The following CNTNAP4 variants were observed in gnomAD, a reference collection of about 807,000 sequenced individuals.
The protein encoded by CNTNAP4 is contactin-associated protein-like 4.
Under a neutral mutation model 148.4 loss-of-function variants are expected in CNTNAP4, and 98 were observed. The observed-to-expected ratio is 0.66, with a 90% confidence interval of 0.56 to 0.78. The LOEUF is 0.78. CNTNAP4 is among the 30% of genes least tolerant of loss of function. The pLI is 0.00. For missense variants in CNTNAP4, 1,935 were observed against 1,565.6 expected, an observed-to-expected ratio of 1.24 and a Z score of -3.98; for synonymous variants, 730 against 565.1, an observed-to-expected ratio of 1.29 and a Z score of -4.14.
intron 2 of CNTNAP4, among the ~76,000 whole-genome samples, chr16:76,327,262 C>T (rs760536318): frequency 2.0e-5 from 3 of 152,252 alleles, no homozygotes; most frequent in South Asian, 2.1e-4. Context: ...GGTCCATACG[C>T]TCCCAATATT....
chr16:76,498,478 G>C, intron 14 of CNTNAP4, 89 bp from the exon 15 acceptor site: 4 of 1,093,110 alleles, frequency 3.7e-6, no homozygotes, highest in Admixed American at 2.3e-5. Context: ...TTTTGTAGGT[G>C]CAAATTTAGT....
intron 1 of CNTNAP4, among the ~76,000 whole-genome samples, chr16:76,313,757 A>G (rs570955740): frequency 2.2e-4 from 33 of 152,256 alleles, no homozygotes; most frequent in Admixed American, 7.2e-4. Context: ...AGGTTCATGT[A>G]TAATAAACTT....
intron 14 of CNTNAP4, among the ~76,000 whole-genome samples, chr16:76,495,695 CTTATTTA>C (rs1365453436): frequency 1.3e-5 from 2 of 151,974 alleles, no homozygotes; most frequent in Non-Finnish European, 1.5e-5. Context: ...GTATACTGCT[CTTATTTA>C]TTATTTGTAA....
intron 17 of CNTNAP4, among the ~76,000 whole-genome samples, chr16:76,523,976 C>A (rs867006723): frequency 6.6e-6 from 1 of 152,092 alleles, no homozygotes; most frequent in Non-Finnish European, 1.5e-5. Flanking sequence ...TCAAGAGTTA[C>A]ACTTTTGAAG....
chr16:76,316,654 T>C, intron 2 of CNTNAP4, 131 bp downstream of exon 2: 1 of 654,006 alleles, frequency 1.5e-6, no homozygotes, highest in Non-Finnish European at 2.7e-6. Context: ...TGGTTAAAAC[T>C]CATGAGATGT....
At chr16:76,355,966 C>T (rs796912148) in intron 3 of CNTNAP4, among the ~76,000 whole-genome samples, 3 of 151,924 alleles carry the variant, frequency 2.0e-5, no homozygotes, top group East Asian at 1.9e-4. Context: ...CCTCTGCCTC[C>T]CGGGTTCAAG....
At chr16:76,325,800 A>G (rs1297473307) in intron 2 of CNTNAP4, among the ~76,000 whole-genome samples, 1 of 152,196 alleles carries the variant, frequency 6.6e-6, no homozygotes, top group African/African-American at 2.4e-5. Flanking sequence ...AAAATGGAAA[A>G]CAAGCATGTA....
intron 17 of CNTNAP4, among the ~76,000 whole-genome samples, chr16:76,527,486 A>T (rs1010861090): frequency 1.3e-5 from 2 of 152,180 alleles, no homozygotes; most frequent in African/African-American, 4.8e-5. Flanking sequence ...ATTATAGCTA[A>T]TCAGCATTTT....
At chr16:76,470,612 T>C (rs1356718130) in intron 10 of CNTNAP4, among the ~76,000 whole-genome samples, 2 of 150,712 alleles carry the variant, frequency 1.3e-5, no homozygotes, top group Non-Finnish European at 2.9e-5. Flanking sequence ...ATTGTGCCAT[T>C]GCACTCCAGC....
chr16:76,510,915 A>G (rs1375960743), intron 15 of CNTNAP4, among the ~76,000 whole-genome samples: 1 of 151,958 alleles, frequency 6.6e-6, no homozygotes, highest in Non-Finnish European at 1.5e-5. Context: ...GGTTTTTTTC[A>G]CCTTGTATGT....
At chr16:76,440,069 T>C (rs1445845226) in intron 4 of CNTNAP4, among the ~76,000 whole-genome samples, 1 of 152,156 alleles carries the variant, frequency 6.6e-6, no homozygotes, top group Non-Finnish European at 1.5e-5. Flanking sequence ...GCAATAACTT[T>C]CAAATAAATA....
chr16:76,552,403 A>G (rs1178678874), intron 21 of CNTNAP4, among the ~76,000 whole-genome samples: 1 of 152,216 alleles, frequency 6.6e-6, no homozygotes, highest in Non-Finnish European at 1.5e-5. Context: ...TTTTGATGAC[A>G]TCTGAGCCTT....
chr16:76,349,029 G>C (rs1175069670), intron 2 of CNTNAP4, among the ~76,000 whole-genome samples: 2 of 152,134 alleles, frequency 1.3e-5, no homozygotes, highest in African/African-American at 4.8e-5. Flanking sequence ...AGAAGGATCA[G>C]CACAAGCAAG....
intron 1 of CNTNAP4, among the ~76,000 whole-genome samples, chr16:76,292,647 T>C (rs928181982): frequency 9.2e-5 from 14 of 152,204 alleles, no homozygotes; most frequent in African/African-American, 2.2e-4. Context: ...ATTCCTCTCT[T>C]GGTACTGATT....
At chr16:76,312,010 A>G (rs929122146) in intron 1 of CNTNAP4, among the ~76,000 whole-genome samples, 2 of 152,166 alleles carry the variant, frequency 1.3e-5, no homozygotes, top group African/African-American at 4.8e-5. Context: ...AATAATCTTT[A>G]TTTGCATCTG....
chr16:76,405,902 C>T (rs12925884), intron 3 of CNTNAP4, among the ~76,000 whole-genome samples: 67,240 of 151,698 alleles, frequency 0.44, 15,158 homozygotes, highest in Non-Finnish European at 0.46. Flanking sequence ...AAATGAAATA[C>T]GTTTTTGTGC....
Position 76,553,407 on chromosome 16 carries a change from C to T in CNTNAP4, c.3567C>T (p.Asp1189=). 6.2e-7 allele frequency: 1 copy of T among 1,612,594 alleles called. No homozygotes were observed. Among genetic ancestry groups the T allele is most frequent in the Non-Finnish European group, 8.5e-7 (1 of 1,179,278 alleles). Residue 1189 remains aspartate, a synonymous_variant, in exon 22 of 24, where the codon GAC becomes GAT. Coordinates refer to ENST00000611870, the MANE Select transcript of CNTNAP4 (RefSeq NM_033401.5). ...CAGCTCTGCACCCCAGCCACCCAGA[C>T]CCTGTCACTGTTACAGGACACGTGA... ...LKAALHPSHP[D]PVTVTGHVTE...
At chr16:76,385,888 G>A (rs1417747568) in intron 3 of CNTNAP4, among the ~76,000 whole-genome samples, 3 of 151,978 alleles carry the variant, frequency 2.0e-5, no homozygotes, top group Non-Finnish European at 4.4e-5. Context: ...CTTGTACTTA[G>A]GAACATAAGG....
intron 13 of CNTNAP4, 52 bp downstream of exon 13, chr16:76,489,935 C>T (rs1449486018): frequency 1.7e-6 from 2 of 1,200,944 alleles, no homozygotes; most frequent in South Asian, 2.3e-5. Flanking sequence ...CATGCACTTA[C>T]TCAACTAGCT....
Sources: allele counts gnomAD v4.1 joint callset (sites outside exome capture counted in the v4.1 genomes callset), GRCh38; gene constraint gnomAD v4.1.1; transcripts MANE v1.5; gene names NCBI Gene and HGNC (gene_info 2026-07-23, HGNC 2026-07-21).